ZNF493: variants seen among roughly 807,000 people sequenced by gnomAD.
ZNF493 encodes zinc finger protein 493.
In ZNF493, 11 loss-of-function variants were observed where a neutral mutation model predicts 12.2. The observed-to-expected ratio is 0.90, with a 90% confidence interval of 0.57 to 1.50. The LOEUF (loss-of-function observed/expected upper bound fraction) is 1.50. ZNF493 is among the 40% of genes most tolerant of loss of function. The pLI is 0.00. For synonymous variants in ZNF493, 286 were observed against 302.6 expected (o/e 0.95, Z 0.57); for missense variants, 950 against 906.6 (o/e 1.05, Z -0.61).
Position 21,425,292 on chromosome 19 carries a change from G to C in ZNF493, c.*308G>C. Reference sequence around the variant, plus strand: ...CTACAAATATGAAGAATGTGACAAAGCTTTTAACCACTTCTCAACCCTGCC... The same window carrying C: ...CTACAAATATGAAGAATGTGACAAACCTTTTAACCACTTCTCAACCCTGCC... On this transcript the variant is annotated 3_prime_UTR_variant, in exon 4 of 4. Coordinates refer to ENST00000392288, the MANE Select transcript of ZNF493 (RefSeq NM_001076678.3). The C allele has an allele frequency of 2.2e-6, 1 of 457,784 alleles. No individual in the cohort carries two copies. 28.4% of individuals were successfully genotyped at this position (457,784 alleles called of 1,614,324 possible). A position where few individuals can be genotyped will look rare whatever the true frequency, so the allele number is the denominator to read the frequency against.
At position 21,423,058 on chromosome 19, in the gene ZNF493, T is replaced by C. The variant is rs1599381139; in HGVS notation, c.399T>C (p.Asn133=). ...RKGCKSMNEC[N]VHKEGYNELN... ...GATGTAAAAGTATGAATGAGTGTAA[T>C]GTGCACAAAGAAGGTTATAATGAAC... Residue 133 remains asparagine, a synonymous_variant, in exon 4 of 4, where the codon AAT becomes AAC. Transcript: ENST00000392288. 1 of 1,613,496 alleles carries C rather than the reference T, an allele frequency of 6.2e-7. No homozygotes were observed. The highest frequency in any genetic ancestry group is 1.3e-5 in the African/African-American group (1 of 74,992).
chr19:21,424,494 G>C lies in ZNF493; in HGVS notation c.1835G>C (p.Arg612Pro). 2 of 1,608,066 alleles carry C rather than the reference G, an allele frequency of 1.2e-6. No homozygotes were observed. Among genetic ancestry groups the C allele is most frequent in the Non-Finnish European group, 1.7e-6 (2 of 1,177,612 alleles). ...KCEECGKAFN[R>P]SSILSIHKKI... ...GAAGAATGTGGCAAAGCTTTTAACC[G>C]ATCTTCAATCCTTAGTATACATAAG... is the stretch of plus-strand genomic sequence containing the variant. The change falls in exon 4 of 4, where the codon CGA becomes CCA. Residue 612 changes from arginine to proline, a missense_variant. By Grantham distance (103) the Arg-to-Pro change is moderately radical. Transcript: ENST00000392288.
At chr19:21,414,306 G>A (rs1009820412) in intron 3 of ZNF493, 4 of 152,238 alleles carry the variant, frequency 2.6e-5, no homozygotes, top group African/African-American at 9.6e-5. Context: ...TGTAAAAGAT[G>A]AGGAATGTAC....
In ZNF493 at chr19:21,425,061, C is replaced by T; in HGVS notation, c.*77C>T. 2 of 1,477,812 alleles carry T rather than the reference C, an allele frequency of 1.4e-6. No individual in the cohort carries two copies. The highest frequency in any genetic ancestry group is 1.9e-6 in the Non-Finnish European group (2 of 1,077,416). 91.5% of individuals were successfully genotyped at this position (1,477,812 alleles called of 1,614,324 possible). On this transcript the variant is annotated 3_prime_UTR_variant, in exon 4 of 4. Transcript: ENST00000392288. ...CAAAGCTTTTCACCAGTACTTTACC[C>T]TTAATACACATAAGATAATTAATGC...
In ZNF493 at chr19:21,405,666, G is replaced by A. The variant is rs143922762; in HGVS notation, c.158-95G>A. On this transcript the variant is annotated intron_variant, in intron 2 of 3. Transcript: ENST00000392288. ...ATAGTATTTTGGGATAAATTTTCTA[G>A]AATATTCTATTACATCCTCTTTACT... 7.3e-5 allele frequency: 83 copies of A among 1,144,504 alleles called. No individual in the cohort carries two copies. In the African/African-American group the frequency reaches 1.1e-3, roughly 16 times the overall value. The allele number at this position is 1,144,504 out of a possible 1,614,324, so 70.9% of individuals were successfully genotyped here. A position where few individuals can be genotyped will look rare whatever the true frequency, so the allele number is the denominator to read the frequency against.
At position 21,405,180 on chromosome 19, in the gene ZNF493, C is replaced by G. The variant is rs2030078731; in HGVS notation, c.82C>G (p.Gln28Glu). ...CATAGAATTCTCTCTGGAGGAGTGG[C>G]AATGCCTGGACACTGCTCAGCAGGA... is the stretch of plus-strand genomic sequence containing the variant. ...VAIEFSLEEW[Q>E]CLDTAQQDLY... Residue 28 changes from glutamine to glutamate, a missense_variant, in exon 2 of 4, where the codon CAA becomes GAA. Physicochemically the swap from Gln to Glu is conservative, Grantham distance 29 (BLOSUM62 2). Transcript: ENST00000392288. The G allele has an allele frequency of 1.2e-6, 2 of 1,613,892 alleles. No homozygotes were observed. The highest frequency in any genetic ancestry group is 1.7e-6 in the Non-Finnish European group (2 of 1,179,952).
Position 21,397,133 on chromosome 19 carries a change from ATTGTTT to A in ZNF493, c.-104_-99del. ...ACGGCTTCCGGGATGTGGCTGGGCCATTGTTTCTCTCTGCTGCCGGAGCTCCAGGTC... is the reference window on the plus strand; with the variant it reads ...ACGGCTTCCGGGATGTGGCTGGGCCACTCTCTGCTGCCGGAGCTCCAGGTC... On this transcript the variant is annotated 5_prime_UTR_variant, in exon 1 of 4. Coordinates refer to ENST00000392288, the MANE Select transcript of ZNF493 (RefSeq NM_001076678.3). 7.4e-7 allele frequency: 1 copy of A among 1,349,940 alleles called. No individual in the cohort carries two copies. The highest frequency in any genetic ancestry group is 1.1e-6 in the Non-Finnish European group (1 of 943,330). 83.6% of individuals were successfully genotyped at this position (1,349,940 alleles called of 1,614,324 possible). A position where few individuals can be genotyped will look rare whatever the true frequency, so the allele number is the denominator to read the frequency against.
intron 3 of ZNF493, among the ~76,000 whole-genome samples, chr19:21,407,296 A>T (rs548577218): frequency 6.7e-4 from 100 of 149,346 alleles, no homozygotes; most frequent in South Asian, 4.6e-3. Flanking sequence ...TATTATTATT[A>T]TTTTTTTTTT....
chr19:21,424,084 C>T lies in ZNF493; in HGVS notation c.1425C>T (p.Thr475=), dbSNP rs780748909. The T allele has an allele frequency of 3.1e-6, 5 of 1,612,106 alleles. No homozygotes were observed. The African/African-American group carries it at 6.7e-5, about 22-fold the overall frequency. Residue 475 remains threonine, a synonymous_variant, in exon 4 of 4, where the codon ACC becomes ACT. Coordinates refer to ENST00000392288, the MANE Select transcript of ZNF493 (RefSeq NM_001076678.3). ...GCAAAGCTTTTAAACGATCTTCAAC[C>T]CTTACTAAACATAGGATAATTCATA... is the stretch of plus-strand genomic sequence containing the variant. ...ECGKAFKRSS[T]LTKHRIIHTE... is the part of the protein sequence containing the mutation.
chr19:21,397,357 G>T (rs1188223528), intron 1 of ZNF493, 90 bp downstream of exon 1: 2 of 1,455,304 alleles, frequency 1.4e-6, no homozygotes, highest in Admixed American at 3.3e-5. Flanking sequence ...AGGCCTCCCC[G>T]CAGTCAGCTC....
Position 21,423,909 on chromosome 19 carries a change from C to A in ZNF493, c.1250C>A (p.Ser417Tyr). 1.2e-6 allele frequency: 2 copies of A among 1,613,052 alleles called. No homozygotes were observed. Among genetic ancestry groups the A allele is most frequent in the Middle Eastern group, 3.3e-4 (2 of 6,050 alleles). ...CEECGKAYKE[S>Y]SHLTTHKRIH... ...GAATGTGGCAAAGCTTATAAGGAGT[C>A]TTCACACCTTACTACACATAAAAGA... Residue 417 changes from serine to tyrosine, a missense_variant, in exon 4 of 4, where the codon TCT becomes TAT. Coordinates refer to ENST00000392288, the MANE Select transcript of ZNF493 (RefSeq NM_001076678.3).
rs191065547 is a variant in ZNF493 at position 21,422,853 on chromosome 19, G to A, written c.254-60G>A. On this transcript the variant is annotated intron_variant, in intron 3 of 3. Transcript: ENST00000392288. ...TTGTATAATATTATAGTTTAGATTT[G>A]TAATCTATATTTATCTGAGTCTAGT... The A allele has an allele frequency of 3.3e-3, 4,584 of 1,390,118 alleles. 14 individuals carry two copies. Among genetic ancestry groups the A allele is most frequent in the Middle Eastern group, 6.0e-3 (24 of 4,028 alleles). 86.1% of individuals were successfully genotyped at this position (1,390,118 alleles called of 1,614,324 possible).
At chr19:21,398,553 G>T in intron 1 of ZNF493, 1 of 360,126 alleles carries the variant, frequency 2.8e-6, no homozygotes, top group South Asian at 2.1e-5. Context: ...TAACTGCCAT[G>T]GTTATGTTAG....
Position 21,426,897 on chromosome 19 carries a change from G to T in ZNF493, c.*1913G>T, listed in dbSNP as rs552625449. On this transcript the variant is annotated 3_prime_UTR_variant, in exon 4 of 4. Transcript: ENST00000392288. ...GGTAGAAAAATTATTTGTATATAAT[G>T]TTAAGAGGAGTAAAAGATTTTTTGT... is the stretch of plus-strand genomic sequence containing the variant. The T allele has an allele frequency of 4.8e-4, 80 of 167,028 alleles. No individual in the cohort carries two copies. Among genetic ancestry groups the T allele is most frequent in the African/African-American group, 1.7e-3 (71 of 41,552 alleles). 10.3% of individuals were successfully genotyped at this position (167,028 alleles called of 1,614,324 possible). A position where few individuals can be genotyped will look rare whatever the true frequency, so the allele number is the denominator to read the frequency against.
chr19:21,407,705 T>C, intron 3 of ZNF493: 2 of 975,312 alleles, frequency 2.1e-6, no homozygotes, highest in Non-Finnish European at 2.4e-6. Context: ...GTATTATTAG[T>C]TTAGACAAAT....
At chr19:21,405,723 A>T (rs370856137) in intron 2 of ZNF493, 38 bp from the exon 3 acceptor site, 1 of 1,554,660 alleles carries the variant, frequency 6.4e-7, no homozygotes, top group South Asian at 1.1e-5. Context: ...ATTAGAGAAT[A>T]TGAGCAAGAT....
intron 3 of ZNF493, among the ~76,000 whole-genome samples, chr19:21,422,501 T>C (rs1219284566): frequency 2.0e-5 from 3 of 150,564 alleles, no homozygotes; most frequent in Non-Finnish European, 4.4e-5. Context: ...CTCACTCTGT[T>C]CCCCAGGCTG....
At chr19:21,413,189 A>T in intron 3 of ZNF493, 1 of 322,052 alleles carries the variant, frequency 3.1e-6, no homozygotes, top group Non-Finnish European at 5.7e-6. Flanking sequence ...CTGGCCAGGT[A>T]CTATTTTGTT....
rs200354133 is a variant in ZNF493 at position 21,424,270 on chromosome 19, G to C, written c.1611G>C (p.Met537Ile). ...CTTCAACCCTTACTATACATAAAAT[G>C]ATTCACACTGGAGAAAAACCCTACA... ...KRSSTLTIHK[M>I]IHTGEKPYKC... The change falls in exon 4 of 4, where the codon ATG (methionine) becomes ATC (isoleucine). Residue 537 changes from methionine to isoleucine, a missense_variant. By Grantham distance (10) the Met-to-Ile change is conservative. Coordinates refer to ENST00000392288, the MANE Select transcript of ZNF493 (RefSeq NM_001076678.3). 6.4e-7 allele frequency: 1 copy of C among 1,552,440 alleles called. No homozygotes were observed. The highest frequency in any genetic ancestry group is 1.9e-5 in the Admixed American group (1 of 54,024).
Sources: gnomAD v4.1 joint callset for allele counts (sites outside exome capture counted in the v4.1 genomes callset) on GRCh38, gnomAD v4.1.1 for gene constraint, MANE v1.5 for transcripts, NCBI Gene and HGNC (gene_info 2026-07-23, HGNC 2026-07-21) for gene names.